Variants in IFNGR1 observed in about 807,000 individuals in gnomAD.
IFNGR1 encodes AVP, type 2.
Under a neutral mutation model 35.4 loss-of-function variants are expected in IFNGR1, and 23 were observed. The observed-to-expected ratio is 0.65, with a 90% CI of 0.47 to 0.92. The LOEUF is 0.92. Among genes scored for constraint, IFNGR1 ranks in the 40% least tolerant of loss-of-function variants. The probability of loss-of-function intolerance (pLI) is 0.00; values close to 1 mark genes in which losing one functional copy is unlikely to be tolerated. For synonymous variants in IFNGR1, 199 were observed against 209.5 expected, an observed-to-expected ratio of 0.95 and a Z score of 0.43; for missense variants, 533 against 583.4, an observed-to-expected ratio of 0.91 and a Z score of 0.89.
At chr6:137,199,899 A>G (rs1485524199) in intron 6 of IFNGR1, among the ~76,000 whole-genome samples, 1 of 151,888 alleles carries the variant, frequency 6.6e-6, no homozygotes, top group Non-Finnish European at 1.5e-5. Context: ...TTATTTCCTT[A>G]TAATACATTT....
intron 1 of IFNGR1, among the ~76,000 whole-genome samples, chr6:137,214,593 A>G (rs776746438): frequency 3.3e-5 from 5 of 152,178 alleles, no homozygotes; most frequent in Non-Finnish European, 7.4e-5. Flanking sequence ...GTTGGGGCTT[A>G]TCCAATAAAT....
At chr6:137,200,520 G>A (rs1331726242) in intron 6 of IFNGR1, among the ~76,000 whole-genome samples, 1 of 152,126 alleles carries the variant, frequency 6.6e-6, no homozygotes, top group Non-Finnish European at 1.5e-5. Context: ...CATTGCCTCT[G>A]GAAAAGCCAT....
chr6:137,209,953 T>C, intron 1 of IFNGR1: 1 of 398,616 alleles, frequency 2.5e-6, no homozygotes, highest in Non-Finnish European at 4.4e-6. Context: ...TCTTCTTGCC[T>C]TCACTCTTTC....
intron 1 of IFNGR1, among the ~76,000 whole-genome samples, chr6:137,216,129 T>C (rs762312142): frequency 2.8e-4 from 42 of 152,244 alleles, no homozygotes; most frequent in Non-Finnish European, 4.8e-4. Flanking sequence ...TATTATCCTG[T>C]GTATTTTGAA....
chr6:137,213,751 C>T (rs1779627337), intron 1 of IFNGR1, among the ~76,000 whole-genome samples: 1 of 152,182 alleles, frequency 6.6e-6, no homozygotes, highest in Non-Finnish European at 1.5e-5. Flanking sequence ...CTACAGATAC[C>T]TGCAGAGTAT....
chr6:137,201,107 G>T, intron 5 of IFNGR1, 99 bp from the exon 6 acceptor site: 1 of 1,269,416 alleles, frequency 7.9e-7, no homozygotes, highest in Non-Finnish European at 1.1e-6. Context: ...TTACAAATTA[G>T]TGAATAGGGC....
chr6:137,211,860 T>C (rs1242200843), intron 1 of IFNGR1, among the ~76,000 whole-genome samples: 2 of 152,100 alleles, frequency 1.3e-5, no homozygotes, highest in African/African-American at 2.4e-5. Flanking sequence ...ATCACACATA[T>C]AAATATACTT....
intron 5 of IFNGR1, among the ~76,000 whole-genome samples, chr6:137,202,492 G>A (rs1779300646): frequency 6.6e-6 from 1 of 152,002 alleles, no homozygotes; most frequent in African/African-American, 2.4e-5. Context: ...TTAGGTGTTT[G>A]TTCTGGCTCT....
chr6:137,212,417 A>G (rs1353935290), intron 1 of IFNGR1, among the ~76,000 whole-genome samples: 1 of 152,016 alleles, frequency 6.6e-6, no homozygotes. Flanking sequence ...ACCACCAGAC[A>G]TGGCTAATTT....
chr6:137,199,303 AATAT>A (rs1024631036), intron 6 of IFNGR1, among the ~76,000 whole-genome samples: 1 of 134,214 alleles, frequency 7.5e-6, no homozygotes, highest in Non-Finnish European at 1.5e-5. Flanking sequence ...AAATATAATT[AATAT>A]ATATTATATA....
intron 5 of IFNGR1, 53 bp downstream of exon 5, chr6:137,203,446 C>T: frequency 2.2e-6 from 2 of 916,054 alleles, no homozygotes; most frequent in South Asian, 1.3e-5. Context: ...TCACATGATC[C>T]TATTTTAGTT....
chr6:137,198,076 G>A lies in IFNGR1; in HGVS notation c.1425C>T (p.Ser475=), dbSNP rs1477536637. The A allele has an allele frequency of 6.2e-7, 1 of 1,614,102 alleles. No individual in the cohort carries two copies. Among genetic ancestry groups the A allele is most frequent in the Admixed American group, 1.7e-5 (1 of 60,006 alleles). ...CTTCTGTTGGTCTATAACCAATCAA[G>A]GACTCTTTACCGCTATCATCCACAA... The part of the protein sequence containing the change: ...DLLVDDSGKE[S]LIGYRPTEDS... Residue 475 remains serine, a synonymous_variant, in exon 7 of 7, where the codon TCC becomes TCT. Coordinates refer to ENST00000367739, the MANE Select transcript of IFNGR1 (RefSeq NM_000416.3).
chr6:137,204,025 C>T (rs758075252), intron 4 of IFNGR1, among the ~76,000 whole-genome samples: 6 of 152,046 alleles, frequency 3.9e-5, no homozygotes, highest in Non-Finnish European at 7.4e-5. Context: ...TTTACGTCAC[C>T]GCCAATGAGG....
chr6:137,204,821 CTAT>C (rs1184404724), intron 3 of IFNGR1, among the ~76,000 whole-genome samples: 1 of 152,142 alleles, frequency 6.6e-6, no homozygotes, highest in Non-Finnish European at 1.5e-5. Context: ...AATATAGACT[CTAT>C]TAAGTAATTT....
At chr6:137,199,536 A>ATATGT (rs1779218642) in intron 6 of IFNGR1, among the ~76,000 whole-genome samples, 1 of 62,354 alleles carries the variant, frequency 1.6e-5, no homozygotes, top group South Asian at 7.6e-4. Flanking sequence ...ATAATATATA[A>ATATGT]TATATATTAT....
Position 137,199,521 on chromosome 6 carries a change from TATATATA to T in IFNGR1, c.862-889_862-883del, listed in dbSNP as rs749661069. On this transcript the variant is annotated intron_variant, in intron 6 of 6. Transcript: ENST00000367739. ...ATAAAATATATAATTTATAATATAT[TATATATA>T]ATATATAATATATATTATATAACAT... Among the ~76,000 whole-genome samples the T allele has an allele frequency of 1.3e-4, 12 of 93,970 alleles. 1 individual carries two copies. Among genetic ancestry groups the T allele is most frequent in the South Asian group, 9.3e-4 (2 of 2,162 alleles). The allele number at this position is 93,970 out of a possible 152,430, so 61.6% of individuals were successfully genotyped here.
chr6:137,202,942 A>G (rs1779320852), intron 5 of IFNGR1, among the ~76,000 whole-genome samples: 1 of 152,146 alleles, frequency 6.6e-6, no homozygotes, highest in African/African-American at 2.4e-5. Flanking sequence ...TCTAGCATAT[A>G]TATCTCTACC....
At chr6:137,202,195 G>T (rs1201880703) in intron 5 of IFNGR1, among the ~76,000 whole-genome samples, 1 of 152,212 alleles carries the variant, frequency 6.6e-6, no homozygotes, top group African/African-American at 2.4e-5. Context: ...AGTGCTGTTA[G>T]AAGTCCCACG....
chr6:137,200,784 G>A (rs1386359333), intron 6 of IFNGR1, 97 bp downstream of exon 6: 2 of 1,051,758 alleles, frequency 1.9e-6, no homozygotes, highest in Non-Finnish European at 2.7e-6. Context: ...GTGACATCTT[G>A]TTGAATATCA....
Sources: allele counts gnomAD v4.1 joint callset (sites outside exome capture counted in the v4.1 genomes callset), GRCh38; gene constraint gnomAD v4.1.1; transcripts MANE v1.5; gene names NCBI Gene and HGNC (gene_info 2026-07-23, HGNC 2026-07-21).